DMXL2: variants seen among roughly 807,000 people sequenced by gnomAD.
DMXL2 encodes the protein Dmx like 2, also known as dmX-like protein 2.
A neutral mutation model predicts 331.1 loss-of-function variants in DMXL2; 103 were observed. The ratio of observed to expected loss-of-function variants is 0.31; its 90% CI spans 0.27 to 0.37. The LOEUF is 0.37. Among genes scored for constraint, DMXL2 ranks in the 10% least tolerant of loss-of-function variants. The probability of loss-of-function intolerance (pLI) is 1.00; values close to 1 mark genes in which losing one functional copy is unlikely to be tolerated. For synonymous variants in DMXL2, 1,281 were observed against 1,252.1 expected, an observed-to-expected ratio of 1.02 and a Z score of -0.49; for missense variants, 3,171 against 3,642.9, an observed-to-expected ratio of 0.87 and a Z score of 3.33.
chr15:51,603,926 T>C (rs1003589679), intron 1 of DMXL2, among the ~76,000 whole-genome samples: 7 of 150,176 alleles, frequency 4.7e-5, no homozygotes, highest in Non-Finnish European at 1.0e-4. Context: ...ATTACAATGA[T>C]ACCAAAACCA....
chr15:51,503,987 AG>A (rs2043872378), intron 16 of DMXL2, among the ~76,000 whole-genome samples: 1 of 152,034 alleles, frequency 6.6e-6, no homozygotes, highest in Non-Finnish European at 1.5e-5. Flanking sequence ...CAAGACTGAC[AG>A]GGAAGAATCA....
intron 16 of DMXL2, among the ~76,000 whole-genome samples, chr15:51,506,216 C>T (rs149555148): frequency 0.033 from 5,089 of 151,948 alleles, 154 homozygotes; most frequent in South Asian, 0.082. Context: ...GTACATGCCA[C>T]CACACTTAAT....
At chr15:51,587,499 C>T (rs2051942254) in intron 1 of DMXL2, among the ~76,000 whole-genome samples, 1 of 152,198 alleles carries the variant, frequency 6.6e-6, no homozygotes. Flanking sequence ...GACATGAACT[C>T]ATCATTTTTT....
intron 39 of DMXL2, 114 bp from the exon 40 acceptor site, chr15:51,455,342 T>C (rs1036855461): frequency 2.3e-6 from 2 of 874,218 alleles, no homozygotes; most frequent in South Asian, 1.5e-5. Context: ...CCTCTAACTA[T>C]GTTTCTGTTG....
intron 43 of DMXL2, 76 bp from the exon 44 acceptor site, chr15:51,449,269 G>A (rs2038924601): frequency 6.9e-7 from 1 of 1,459,510 alleles, no homozygotes; most frequent in South Asian, 1.2e-5. Context: ...CTGCTCCCTT[G>A]GCCCAAGTGA....
chr15:51,581,094 C>G (rs778775704), intron 1 of DMXL2, among the ~76,000 whole-genome samples: 1 of 152,256 alleles, frequency 6.6e-6, no homozygotes, highest in South Asian at 2.1e-4. Flanking sequence ...ACTACCAGTC[C>G]ATGGCCTGTT....
intron 14 of DMXL2, among the ~76,000 whole-genome samples, chr15:51,514,948 G>A (rs1466519515): frequency 6.6e-6 from 1 of 152,020 alleles, no homozygotes; most frequent in African/African-American, 2.4e-5. Context: ...GCTGCACTAT[G>A]TAAGACACAC....
Position 51,480,747 on chromosome 15 carries a change from T to C in DMXL2, c.6359A>G (p.Asp2120Gly). 1 of 1,599,994 alleles carries C rather than the reference T, an allele frequency of 6.3e-7. No individual in the cohort carries two copies. The highest frequency in any genetic ancestry group is 8.5e-7 in the Non-Finnish European group (1 of 1,170,194). Residue 2120 changes from aspartate to glycine, a missense_variant, in exon 24 of 44, where the codon GAT becomes GGT. Around this residue, in one of 7 missense-constraint regions of DMXL2, gnomAD observed 197 missense variants for 196.2 expected, o/e 1.00. Coordinates refer to ENST00000560891, the MANE Select transcript of DMXL2 (RefSeq NM_001378457.1). ...TTGATGGCGCTCATAGGAACCAATA[T>C]CTGGTTTGTCTACCATTTCTTCCTG... ...LDQEEMVDKPDIGSYERHQIE... is the reference protein window; with the variant it reads ...LDQEEMVDKPGIGSYERHQIE...
chr15:51,595,098 G>C (rs1370253172), intron 1 of DMXL2, among the ~76,000 whole-genome samples: 2 of 152,216 alleles, frequency 1.3e-5, no homozygotes, highest in African/African-American at 2.4e-5. Flanking sequence ...AGGAAATAAA[G>C]GGTATTCAAT....
At chr15:51,516,592 T>A (rs1004497701) in intron 14 of DMXL2, among the ~76,000 whole-genome samples, 3 of 152,244 alleles carry the variant, frequency 2.0e-5, no homozygotes, top group African/African-American at 7.2e-5. Flanking sequence ...TGAATCAAAT[T>A]TCCTTTGCTA....
intron 2 of DMXL2, among the ~76,000 whole-genome samples, chr15:51,570,024 C>T (rs1269422136): frequency 6.6e-6 from 1 of 151,934 alleles, no homozygotes; most frequent in African/African-American, 2.4e-5. Flanking sequence ...TAACCCAGTG[C>T]AAGGAAGCTA....
In DMXL2 at chr15:51,448,851, C is replaced by G. The variant is rs1436324238; in HGVS notation, c.*133G>C. On this transcript the variant is annotated 3_prime_UTR_variant, in exon 44 of 44. Coordinates refer to ENST00000560891, the MANE Select transcript of DMXL2 (RefSeq NM_001378457.1). Reference sequence around the variant, plus strand: ...TCCACCAACCTGTTTAGATAATACTCAGCTTGGGTCATATTCAAATTCTAC... The same window carrying G: ...TCCACCAACCTGTTTAGATAATACTGAGCTTGGGTCATATTCAAATTCTAC... The G allele has an allele frequency of 1.1e-6, 1 of 877,654 alleles. No homozygotes were observed. The highest frequency in any genetic ancestry group is 1.7e-5 in the African/African-American group (1 of 59,132). 54.4% of individuals were successfully genotyped at this position (877,654 alleles called of 1,614,324 possible).
intron 1 of DMXL2, among the ~76,000 whole-genome samples, chr15:51,622,157 AG>A (rs1219507913): frequency 6.6e-6 from 1 of 152,174 alleles, no homozygotes; most frequent in Non-Finnish European, 1.5e-5. Context: ...CCTCCACCGC[AG>A]ACCGAAGGGC....
At position 51,536,827 on chromosome 15, in the gene DMXL2, G is replaced by A. The variant is rs769238203; in HGVS notation, c.1653C>T (p.Pro551=). Residue 551 remains proline (P), a synonymous_variant, in exon 12 of 44, where the codon CCC becomes CCT. Transcript: ENST00000560891. ...SFSSRIPVAF[P]SGDASSLSKN... is the part of the protein sequence containing the mutation. ...TACTAAGAGAGCTTGCATCACCAGA[G>A]GGAAATGCAACAGGAATCCGAGAAG... 6.2e-7 allele frequency: 1 copy of A among 1,610,408 alleles called. No homozygotes were observed. Among genetic ancestry groups the A allele is most frequent in the East Asian group, 2.2e-5 (1 of 44,842 alleles).
intron 18 of DMXL2, among the ~76,000 whole-genome samples, chr15:51,496,526 T>C (rs1014229269): frequency 2.6e-5 from 4 of 152,170 alleles, no homozygotes; most frequent in Admixed American, 1.3e-4. Context: ...ACTGTAAGGC[T>C]CTTAACTTTT....
chr15:51,553,366 C>T (rs1012209028), intron 6 of DMXL2, among the ~76,000 whole-genome samples: 4 of 152,160 alleles, frequency 2.6e-5, no homozygotes, highest in Non-Finnish European at 4.4e-5. Context: ...ATCAATTTTA[C>T]GTATATAAAG....
chr15:51,609,295 G>C (rs2053797628), intron 1 of DMXL2, among the ~76,000 whole-genome samples: 1 of 152,248 alleles, frequency 6.6e-6, no homozygotes, highest in African/African-American at 2.4e-5. Context: ...AAACATGCCA[G>C]TAATTACATT....
intron 15 of DMXL2, among the ~76,000 whole-genome samples, chr15:51,508,909 TG>T (rs2046579874): frequency 1.3e-5 from 2 of 152,166 alleles, no homozygotes; most frequent in South Asian, 4.1e-4. Context: ...ATGAAATAAC[TG>T]GTTTAAGATC....
chr15:51,499,059 C>T lies in DMXL2; in HGVS notation c.4165G>A (p.Glu1389Lys). 1 of 1,613,948 alleles carries T rather than the reference C, an allele frequency of 6.2e-7. No homozygotes were observed. Among genetic ancestry groups the T allele is most frequent in the African/African-American group, 1.3e-5 (1 of 75,034 alleles). ...VAIVRDPDAG[E>K]GTKRHLSRTI... Reference sequence around the variant, plus strand: ...CGAGAGAGATGTCGCTTAGTTCCTTCTCCAGCATCAGGATCTCTAACTATT... The same window carrying T: ...CGAGAGAGATGTCGCTTAGTTCCTTTTCCAGCATCAGGATCTCTAACTATT... The change falls in exon 18 of 44, where the codon GAA (glutamate) becomes AAA (lysine). Residue 1389 changes from glutamate (E) to lysine (K), a missense_variant. Physicochemically the swap from Glu to Lys is moderately conservative, Grantham distance 56. Transcript: ENST00000560891.
Sources: gnomAD v4.1 joint callset for allele counts (sites outside exome capture counted in the v4.1 genomes callset) on GRCh38, gnomAD v4.1.1 for gene constraint, gnomAD v4.1.1 regional missense constraint, MANE v1.5 for transcripts, NCBI Gene and HGNC (gene_info 2026-07-23, HGNC 2026-07-21) for gene names.